Variants in PTPRD observed in about 807,000 individuals in gnomAD.
PTPRD encodes receptor-type tyrosine-protein phosphatase delta.
A neutral mutation model predicts 214.5 loss-of-function variants in PTPRD; 34 were observed. That is an observed-to-expected ratio of 0.16 (90% CI 0.12 to 0.21). PTPRD has a LOEUF of 0.21. Ranked by LOEUF, PTPRD falls within the 10% of genes least tolerant of loss-of-function variation. The pLI is 1.00. For synonymous variants in PTPRD, 1,128 were observed against 845.7 expected (o/e 1.33, Z -5.79); for missense variants, 2,545 against 2,398.7 (o/e 1.06, Z -1.27).
intron 6 of PTPRD, among the ~76,000 whole-genome samples, chr9:9,734,895 T>G (rs887289226): frequency 6.6e-6 from 1 of 152,114 alleles, no homozygotes; most frequent in Non-Finnish European, 1.5e-5. Flanking sequence ...TAAATGCACT[T>G]GAAATTCTCT....
intron 10 of PTPRD, among the ~76,000 whole-genome samples, chr9:9,030,513 G>C (rs1326959023): frequency 6.6e-6 from 1 of 151,440 alleles, no homozygotes; most frequent in East Asian, 1.9e-4. Context: ...ACTCCATCTG[G>C]CTGCCTCTCT....
chr9:8,683,349 G>A (rs1021900847), intron 12 of PTPRD, among the ~76,000 whole-genome samples: 3 of 149,714 alleles, frequency 2.0e-5, no homozygotes, highest in Admixed American at 1.3e-4. Context: ...TCATAACTTG[G>A]ATAAGCCTCT....
At chr9:8,908,294 A>C (rs955767710) in intron 11 of PTPRD, among the ~76,000 whole-genome samples, 9 of 152,214 alleles carry the variant, frequency 5.9e-5, no homozygotes, top group African/African-American at 2.2e-4. Context: ...AGAAACACTA[A>C]AGGAATTTCA....
intron 9 of PTPRD, among the ~76,000 whole-genome samples, chr9:9,395,115 C>T (rs570273962): frequency 1.6e-4 from 25 of 152,018 alleles, no homozygotes; most frequent in Middle Eastern, 3.4e-3. Context: ...TTCTTCCTTT[C>T]CCTTCCTCCC....
At chr9:8,494,002 A>C (rs2097204936) in intron 26 of PTPRD, among the ~76,000 whole-genome samples, 1 of 116,682 alleles carries the variant, frequency 8.6e-6, no homozygotes, top group Non-Finnish European at 2.0e-5. Context: ...ACACACAGAC[A>C]CACAGACACA....
intron 5 of PTPRD, among the ~76,000 whole-genome samples, chr9:9,913,562 A>G (rs1455803063): frequency 3.9e-5 from 6 of 152,130 alleles, no homozygotes; most frequent in African/African-American, 1.4e-4. Flanking sequence ...GTGACTGGAA[A>G]TTCAGGAGGG....
intron 8 of PTPRD, among the ~76,000 whole-genome samples, chr9:9,557,438 A>G (rs2081818883): frequency 6.6e-6 from 1 of 152,202 alleles, no homozygotes; most frequent in Non-Finnish European, 1.5e-5. Flanking sequence ...TTATCCCAAA[A>G]TAAAATTTTT....
intron 7 of PTPRD, among the ~76,000 whole-genome samples, chr9:9,638,355 C>T (rs888954536): frequency 6.6e-6 from 1 of 152,212 alleles, no homozygotes; most frequent in Admixed American, 6.5e-5. Flanking sequence ...CTCTTAAGTT[C>T]TGCCTTCCAC....
intron 14 of PTPRD, among the ~76,000 whole-genome samples, chr9:8,622,598 G>A (rs948298715): frequency 2.6e-5 from 4 of 151,886 alleles, no homozygotes; most frequent in African/African-American, 7.3e-5. Flanking sequence ...GCAAGTGGGG[G>A]TAGTTTCTTT....
At chr9:10,586,119 G>C (rs920900938) in intron 2 of PTPRD, among the ~76,000 whole-genome samples, 3 of 152,034 alleles carry the variant, frequency 2.0e-5, no homozygotes, top group Admixed American at 1.3e-4. Context: ...TAAATTATAA[G>C]AGATTTAAGC....
At chr9:8,593,739 G>A in intron 14 of PTPRD, among the ~76,000 whole-genome samples, 1 of 152,286 alleles carries the variant, frequency 6.6e-6, no homozygotes, top group South Asian at 2.1e-4. Flanking sequence ...TTTGGAAAAT[G>A]CAACTTCTAA....
intron 5 of PTPRD, among the ~76,000 whole-genome samples, chr9:9,773,710 G>A (rs962069733): frequency 1.3e-5 from 2 of 151,866 alleles, no homozygotes; most frequent in Non-Finnish European, 2.9e-5. Flanking sequence ...AAAGGCACCT[G>A]GTCATGAATG....
intron 8 of PTPRD, among the ~76,000 whole-genome samples, chr9:9,479,492 C>T (rs889311073): frequency 2.0e-5 from 3 of 152,006 alleles, no homozygotes; most frequent in Non-Finnish European, 4.4e-5. Context: ...AATTAAGTCC[C>T]TGACATCATT....
intron 5 of PTPRD, among the ~76,000 whole-genome samples, chr9:9,813,759 T>A (rs1282496049): frequency 6.6e-6 from 1 of 152,052 alleles, no homozygotes; most frequent in Non-Finnish European, 1.5e-5. Context: ...CTAAACTCAT[T>A]TTAAAAGGTC....
chr9:8,697,049 T>C (rs1264639862), intron 12 of PTPRD, among the ~76,000 whole-genome samples: 1 of 152,206 alleles, frequency 6.6e-6, no homozygotes, highest in Non-Finnish European at 1.5e-5. Flanking sequence ...CCTAGAAGAA[T>C]CCTATTTTTG....
chr9:9,111,256 T>C (rs1212076081), intron 10 of PTPRD, among the ~76,000 whole-genome samples: 2 of 151,060 alleles, frequency 1.3e-5, no homozygotes, highest in Non-Finnish European at 3.0e-5. Context: ...AAATACCTTT[T>C]TTTTTTTTTT....
chr9:9,742,577 G>A (rs2098415218), intron 6 of PTPRD, among the ~76,000 whole-genome samples: 1 of 151,814 alleles, frequency 6.6e-6, no homozygotes, highest in Non-Finnish European at 1.5e-5. Context: ...TCTTGTTTAG[G>A]AACATGTTAT....
At chr9:9,459,727 C>T (rs1388329511) in intron 8 of PTPRD, among the ~76,000 whole-genome samples, 1 of 152,106 alleles carries the variant, frequency 6.6e-6, no homozygotes, top group Non-Finnish European at 1.5e-5. Flanking sequence ...ATCCCATGCT[C>T]ATGAATAGGA....
At chr9:9,372,797 G>C (rs1028095501) in intron 9 of PTPRD, among the ~76,000 whole-genome samples, 1 of 151,876 alleles carries the variant, frequency 6.6e-6, no homozygotes, top group Non-Finnish European at 1.5e-5. Flanking sequence ...AGCTCTTTTT[G>C]GGCAGGCCTG....
Sources: allele counts gnomAD v4.1 joint callset (sites outside exome capture counted in the v4.1 genomes callset), GRCh38; gene constraint gnomAD v4.1.1; transcripts MANE v1.5; gene names NCBI Gene and HGNC (gene_info 2026-07-23, HGNC 2026-07-21).